Variants in SLC71A2 observed in about 807,000 individuals in gnomAD.
SLC71A2 encodes solute carrier family 71 member 2.
At chr9:94,386,940 A>G in the SLC71A2 span, among the ~76,000 whole-genome samples, 19 of 151,670 alleles carry the variant, frequency 1.3e-4, no homozygotes, top group South Asian at 3.3e-3. Context: ...TTTTTTTTCT[A>G]CTATCCATTT....
At chr9:94,453,912 C>T in the SLC71A2 span, 1 of 1,256,772 alleles carries the variant, frequency 8.0e-7, no homozygotes, top group Non-Finnish European at 1.2e-6. Flanking sequence ...TATTTTAATT[C>T]TGTGTGTTGA....
the SLC71A2 span, chr9:94,459,316 G>A: frequency 2.6e-4 from 420 of 1,613,972 alleles, no homozygotes; most frequent in South Asian, 8.8e-4. Context: ...CCCCAGAACG[G>A]GGCAGTGATG....
At chr9:94,427,323 T>G in the SLC71A2 span, among the ~76,000 whole-genome samples, 15 of 152,266 alleles carry the variant, frequency 9.9e-5, no homozygotes, top group South Asian at 1.4e-3. Flanking sequence ...TAGAAAAGTT[T>G]TTAAAAGCAT....
the SLC71A2 span, among the ~76,000 whole-genome samples, chr9:94,426,480 TGTCA>T: frequency 2.6e-5 from 4 of 152,318 alleles, no homozygotes; most frequent in African/African-American, 9.6e-5. Context: ...CTTTTTTTGT[TGTCA>T]GTCTTTTCTC....
chr9:94,378,833 T>C, the SLC71A2 span, among the ~76,000 whole-genome samples: 1 of 151,340 alleles, frequency 6.6e-6, no homozygotes, highest in African/African-American at 2.4e-5. Context: ...GATAGTTTGG[T>C]TTTCTATTCT....
At chr9:94,406,100 C>A in the SLC71A2 span, among the ~76,000 whole-genome samples, 3 of 74,196 alleles carry the variant, frequency 4.0e-5, no homozygotes, top group South Asian at 1.5e-3. Flanking sequence ...GGCTGGGTGT[C>A]ACTCTTGCCC....
chr9:94,395,149 A>G, the SLC71A2 span, among the ~76,000 whole-genome samples: 27,485 of 141,970 alleles, frequency 0.19, 2,855 homozygotes, highest in African/African-American at 0.28. Flanking sequence ...CCTGACCTCA[A>G]GTAATCCACC....
At chr9:94,444,681 C>G in the SLC71A2 span, among the ~76,000 whole-genome samples, 1 of 152,124 alleles carries the variant, frequency 6.6e-6, no homozygotes, top group Admixed American at 6.5e-5. Context: ...TAAGATAATC[C>G]TTTTTTACTC....
chr9:94,424,242 C>CGG, the SLC71A2 span, among the ~76,000 whole-genome samples: 123 of 148,402 alleles, frequency 8.3e-4, no homozygotes, highest in Middle Eastern at 3.4e-3. Flanking sequence ...TTTTTTTTGG[C>CGG]GGAGGGGGGA....
At chr9:94,400,568 G>GAAAA in the SLC71A2 span, among the ~76,000 whole-genome samples, 4 of 136,996 alleles carry the variant, frequency 2.9e-5, no homozygotes, top group Middle Eastern at 3.6e-3. Context: ...GCTTCCAAAT[G>GAAAA]AAAAAAAAAA....
At chr9:94,396,507 ACT>A in the SLC71A2 span, among the ~76,000 whole-genome samples, 5 of 152,150 alleles carry the variant, frequency 3.3e-5, no homozygotes, top group Non-Finnish European at 5.9e-5. Context: ...AGATGGGGAG[ACT>A]CTGTCTCCAA....
chr9:94,413,865 A>C, the SLC71A2 span, among the ~76,000 whole-genome samples: 1 of 152,134 alleles, frequency 6.6e-6, no homozygotes, highest in Non-Finnish European at 1.5e-5. Context: ...CCTTGCTCCT[A>C]TGTCTGACAG....
At chr9:94,405,498 CAAAAAAAAAAAA>C in the SLC71A2 span, among the ~76,000 whole-genome samples, 52 of 59,828 alleles carry the variant, frequency 8.7e-4, no homozygotes, top group East Asian at 0.012. Context: ...GACTCCGTCT[CAAAAAAAAAAAA>C]AAAAAAAAGA....
At chr9:94,445,858 A>G in the SLC71A2 span, among the ~76,000 whole-genome samples, 1 of 152,212 alleles carries the variant, frequency 6.6e-6, no homozygotes, top group Non-Finnish European at 1.5e-5. Flanking sequence ...AATTCATGTA[A>G]TCAATCAGAA....
chr9:94,409,129 CTTTTTTTTTTTT>C, the SLC71A2 span, among the ~76,000 whole-genome samples: 4 of 68,240 alleles, frequency 5.9e-5, no homozygotes, highest in Admixed American at 4.8e-4. Context: ...GCCCGGCCTC[CTTTTTTTTTTTT>C]TTTTTTTTTT....
At chr9:94,416,930 C>G in the SLC71A2 span, among the ~76,000 whole-genome samples, 27 of 151,748 alleles carry the variant, frequency 1.8e-4, no homozygotes, top group South Asian at 4.2e-4. Context: ...AAATTGCCTG[C>G]ATCCTTAATC....
the SLC71A2 span, among the ~76,000 whole-genome samples, chr9:94,442,729 A>C: frequency 1.3e-5 from 2 of 151,928 alleles, no homozygotes; most frequent in Non-Finnish European, 1.5e-5. Flanking sequence ...GTGCGCTTGT[A>C]ATCTCAGCTA....
the SLC71A2 span, among the ~76,000 whole-genome samples, chr9:94,431,772 C>T: frequency 2.6e-5 from 4 of 152,036 alleles, no homozygotes; most frequent in Non-Finnish European, 4.4e-5. Context: ...ACTGAGCCGA[C>T]GTCCCAGCGT....
chr9:94,425,111 A>G, the SLC71A2 span, among the ~76,000 whole-genome samples: 2 of 151,534 alleles, frequency 1.3e-5, no homozygotes. Flanking sequence ...CTGTTTCCCT[A>G]TCTTGTTCAA....
Sources: allele counts gnomAD v4.1 joint callset (sites outside exome capture counted in the v4.1 genomes callset), GRCh38; gene constraint gnomAD v4.1.1; transcripts MANE v1.5; gene names NCBI Gene and HGNC (gene_info 2026-07-23, HGNC 2026-07-21).